The following UTRN variants were observed in gnomAD, a reference collection of about 807,000 sequenced individuals.
UTRN encodes dystrophin-related protein 1.
UTRN carries 283 observed loss-of-function variants against 463.9 expected under a neutral mutation model. That is an observed-to-expected ratio of 0.61 (90% confidence interval 0.55 to 0.67). UTRN has a LOEUF of 0.67. UTRN is among the 30% of genes least tolerant of loss of function. UTRN has a pLI of 0.00. For missense variants in UTRN, 3,922 were observed against 4,084.3 expected (o/e 0.96, Z 1.08); for synonymous variants, 1,442 against 1,431.5 (o/e 1.01, Z -0.17).
intron 51 of UTRN, among the ~76,000 whole-genome samples, chr6:144,633,434 G>A (rs1206567912): frequency 6.6e-6 from 1 of 152,006 alleles, no homozygotes; most frequent in Non-Finnish European, 1.5e-5. Flanking sequence ...GCGTTTCACC[G>A]TTTTAGCCAG....
chr6:144,535,297 T>A (rs1007982015), intron 43 of UTRN, among the ~76,000 whole-genome samples: 41 of 152,196 alleles, frequency 2.7e-4, no homozygotes, highest in African/African-American at 9.7e-4. Context: ...GCCAGGCTGG[T>A]CTGGAATTCC....
At chr6:144,804,580 G>A (rs13213473) in intron 65 of UTRN, among the ~76,000 whole-genome samples, 3,216 of 152,214 alleles carry the variant, frequency 0.021, 47 homozygotes, top group Non-Finnish European at 0.033. Context: ...ACAAAAGAGG[G>A]ACTTGAGCAG....
At position 144,821,348 on chromosome 6, in the gene UTRN, A is replaced by G. The variant is rs1438043005; in HGVS notation, c.9494+330A>G. Among the ~76,000 whole-genome samples the G allele has an allele frequency of 2.0e-5, 3 of 152,008 alleles. No individual in the cohort carries two copies. The East Asian group carries it at 5.8e-4, about 29-fold the overall frequency. ...GTGTGGCATTATATAGTCTTTCATT[A>G]TTTATTTTCCTTTTTTTCCCCTTAT... On this transcript the variant is annotated intron_variant, in intron 66 of 74. Coordinates refer to ENST00000367545, the MANE Select transcript of UTRN (RefSeq NM_007124.3).
At chr6:144,422,354 C>T (rs144138468) in intron 4 of UTRN, among the ~76,000 whole-genome samples, 9 of 152,312 alleles carry the variant, frequency 5.9e-5, no homozygotes, top group South Asian at 4.1e-4. Context: ...CGGTAGCTCA[C>T]GCCTGTAATC....
chr6:144,581,856 G>A (rs530153284), intron 51 of UTRN, among the ~76,000 whole-genome samples: 46 of 152,032 alleles, frequency 3.0e-4, no homozygotes, highest in Admixed American at 1.0e-3. Context: ...ATTCCTCCCC[G>A]CCAATTCCCT....
intron 51 of UTRN, among the ~76,000 whole-genome samples, chr6:144,663,618 G>A (rs1026828904): frequency 3.9e-5 from 6 of 152,226 alleles, no homozygotes; most frequent in African/African-American, 1.2e-4. Flanking sequence ...CTACTGAATG[G>A]TTAATGATAA....
chr6:144,749,251 T>C (rs1018234924), intron 55 of UTRN, among the ~76,000 whole-genome samples: 1 of 152,200 alleles, frequency 6.6e-6, no homozygotes, highest in African/African-American at 2.4e-5. Flanking sequence ...CCAAATCTCA[T>C]TGACAGTGTA....
intron 69 of UTRN, among the ~76,000 whole-genome samples, chr6:144,830,534 TCA>T (rs1356959165): frequency 6.6e-6 from 1 of 152,156 alleles, no homozygotes; most frequent in Non-Finnish European, 1.5e-5. Context: ...TCAAAACTCA[TCA>T]CACCCTAATG....
chr6:144,488,579 G>A (rs1407612173), intron 29 of UTRN, 94 bp from the exon 30 acceptor site: 19 of 1,250,450 alleles, frequency 1.5e-5, no homozygotes, highest in Non-Finnish European at 1.1e-6. Context: ...TTGGATGAAA[G>A]CTTTTATGGT....
intron 2 of UTRN, chr6:144,311,920 C>G (rs570714098): frequency 1.3e-5 from 2 of 151,972 alleles, no homozygotes; most frequent in Non-Finnish European, 2.9e-5. Context: ...TAAGAAAAAT[C>G]CTGCAGGATT....
At chr6:144,307,843 CTT>C (rs1203370854) in intron 2 of UTRN, among the ~76,000 whole-genome samples, 2 of 148,820 alleles carry the variant, frequency 1.3e-5, no homozygotes, top group African/African-American at 2.5e-5. Flanking sequence ...ATTAATGAAA[CTT>C]GGGCTTCATC....
chr6:144,802,380 C>T (rs527793908), intron 64 of UTRN, among the ~76,000 whole-genome samples: 5 of 152,204 alleles, frequency 3.3e-5, no homozygotes, highest in Admixed American at 1.3e-4. Flanking sequence ...TCTGTTGGTT[C>T]TATCATTTAA....
chr6:144,476,040 C>T (rs1164087932), intron 25 of UTRN, among the ~76,000 whole-genome samples: 1 of 151,172 alleles, frequency 6.6e-6, no homozygotes, highest in Non-Finnish European at 1.5e-5. Flanking sequence ...TGCACCACTG[C>T]ACTCCAGCCT....
chr6:144,297,602 G>C (rs1804841678), intron 2 of UTRN, among the ~76,000 whole-genome samples: 1 of 152,140 alleles, frequency 6.6e-6, no homozygotes, highest in Non-Finnish European at 1.5e-5. Context: ...GAATACCTGT[G>C]CTTTGAAGGG....
intron 23 of UTRN, among the ~76,000 whole-genome samples, chr6:144,465,341 A>G (rs998954883): frequency 6.6e-6 from 1 of 152,238 alleles, no homozygotes; most frequent in African/African-American, 2.4e-5. Context: ...CTGTGGTTAT[A>G]GTAATCCAGC....
At chr6:144,708,380 A>T in intron 53 of UTRN, 1 of 649,746 alleles carries the variant, frequency 1.5e-6, no homozygotes, top group South Asian at 1.4e-5. Flanking sequence ...CATTTTTTAG[A>T]TAAAGTGTTT....
intron 3 of UTRN, among the ~76,000 whole-genome samples, chr6:144,419,145 G>C (rs2114840592): frequency 6.6e-6 from 1 of 152,322 alleles, no homozygotes; most frequent in East Asian, 1.9e-4. Context: ...GGCCACTTCT[G>C]CCCATTGCTT....
intron 65 of UTRN, among the ~76,000 whole-genome samples, chr6:144,817,290 T>C (rs188927688): frequency 7.5e-4 from 114 of 152,306 alleles, no homozygotes; most frequent in Non-Finnish European, 1.4e-3. Flanking sequence ...CAAAATCTGT[T>C]CTCCTTTTCT....
At position 144,530,538 on chromosome 6, in the gene UTRN, C is replaced by T. The variant is rs538761104; in HGVS notation, c.5907-514C>T. On this transcript the variant is annotated intron_variant, in intron 41 of 74. Coordinates refer to ENST00000367545, the MANE Select transcript of UTRN (RefSeq NM_007124.3). ...TTGGCCTTTTGTGCTTTATTCTTGC[C>T]GGGAACTAAGTGTTCTGGTAGTAAA... is the stretch of plus-strand genomic sequence containing the variant. Among the ~76,000 whole-genome samples the T allele has an allele frequency of 5.3e-5, 8 of 152,118 alleles. No individual in the cohort carries two copies. The South Asian group carries it at 8.3e-4, about 16-fold the overall frequency.
Sources: gnomAD v4.1 joint callset for allele counts (sites outside exome capture counted in the v4.1 genomes callset) on GRCh38, gnomAD v4.1.1 for gene constraint, MANE v1.5 for transcripts, NCBI Gene and HGNC (gene_info 2026-07-23, HGNC 2026-07-21) for gene names.